The following CNR1 variants were observed in gnomAD, a reference collection of about 807,000 sequenced individuals.
CNR1 encodes cannabinoid receptor 1.
In CNR1, 10 loss-of-function variants were observed where a neutral mutation model predicts 23.0. The observed-to-expected ratio is 0.43, with a 90% CI of 0.27 to 0.74. CNR1 has a LOEUF of 0.74. Ranked by LOEUF, CNR1 falls within the 30% of genes least tolerant of loss-of-function variation. The pLI is 0.19. For synonymous variants in CNR1, 271 were observed against 255.2 expected (o/e 1.06, Z -0.59); for missense variants, 422 against 618.8 (o/e 0.68, Z 3.37).
chr6:88,154,060 T>C (rs1024916918), intron 1 of CNR1, among the ~76,000 whole-genome samples: 5 of 152,250 alleles, frequency 3.3e-5, no homozygotes, highest in African/African-American at 1.2e-4. Flanking sequence ...TTTTCCTACA[T>C]ATGAAAGAAA....
chr6:88,158,414 T>C (rs1222081069), intron 1 of CNR1, among the ~76,000 whole-genome samples: 5 of 152,208 alleles, frequency 3.3e-5, no homozygotes, highest in Non-Finnish European at 7.4e-5. Flanking sequence ...CTGAAAATTA[T>C]AATATACATC....
chr6:88,143,579 G>C lies in CNR1; in HGVS notation c.*277C>G, dbSNP rs1776947852. The C allele has an allele frequency of 3.0e-6, 1 of 333,148 alleles. No individual in the cohort carries two copies. The highest frequency in any genetic ancestry group is 2.1e-5 in the African/African-American group (1 of 46,860). 20.6% of individuals were successfully genotyped at this position (333,148 alleles called of 1,614,324 possible). A position where few individuals can be genotyped will look rare whatever the true frequency, so the allele number is the denominator to read the frequency against. On this transcript the variant is annotated 3_prime_UTR_variant, in exon 2 of 2. Transcript: ENST00000369501. ...TCCATGGGTTCTTAGACTTCCAATT[G>C]TGTAGCCAAAGGTTTCCCTCCTATT...
At chr6:88,167,313 C>T (rs1448425883), upstream of CNR1, among the ~76,000 whole-genome samples, 1 of 152,198 alleles carries the variant, frequency 6.6e-6, no homozygotes, top group African/African-American at 2.4e-5. Context: ...AATTAGGGGA[C>T]ATGCTCGTTA....
In CNR1 at chr6:88,145,279, T is replaced by C; in HGVS notation, c.-5A>G. ...GCCATCTAGGATCGACTTCATAACC[T>C]CAGTCTTTGATTAGGCTGAGCTCAA... is the stretch of plus-strand genomic sequence containing the variant. On this transcript the variant is annotated 5_prime_UTR_variant, in exon 2 of 2. Coordinates refer to ENST00000369501, the MANE Select transcript of CNR1 (RefSeq NM_016083.6). 1 of 1,600,302 alleles carries C rather than the reference T, an allele frequency of 6.2e-7. No individual in the cohort carries two copies. Among genetic ancestry groups the C allele is most frequent in the Non-Finnish European group, 8.5e-7 (1 of 1,171,312 alleles).
intron 1 of CNR1, among the ~76,000 whole-genome samples, chr6:88,151,261 T>C (rs951465176): frequency 1.3e-5 from 2 of 152,240 alleles, no homozygotes; most frequent in Non-Finnish European, 2.9e-5. Flanking sequence ...ATGTGGTTAG[T>C]AGCTACTATA....
At position 88,143,203 on chromosome 6, in the gene CNR1, C is replaced by T. The variant is rs137988157; in HGVS notation, c.*653G>A. 408 of 152,306 alleles carry T rather than the reference C, an allele frequency of 2.7e-3. 1 individual carries two copies. The highest frequency in any genetic ancestry group is 9.4e-3 in the African/African-American group (390 of 41,528). 9.4% of individuals were successfully genotyped at this position (152,306 alleles called of 1,614,324 possible). On this transcript the variant is annotated 3_prime_UTR_variant, in exon 2 of 2. Coordinates refer to ENST00000369501, the MANE Select transcript of CNR1 (RefSeq NM_016083.6). ...TTGTTGAGGTAACAGAAAAATAAAC[C>T]TTTACGGTTATTTCAGTGTCAAAAT...
chr6:88,150,517 A>AG (rs762658481), intron 1 of CNR1, among the ~76,000 whole-genome samples: 5 of 152,226 alleles, frequency 3.3e-5, no homozygotes, highest in Non-Finnish European at 5.9e-5. Context: ...CATTGTGAAC[A>AG]GTTCCATATT....
Position 88,144,504 on chromosome 6 carries a change from G to A in CNR1, c.771C>T (p.Cys257=), listed in dbSNP as rs760873291. Residue 257 remains cysteine, a synonymous_variant, in exon 2 of 2, where the codon TGC becomes TGT. Transcript: ENST00000369501. This position sits in a 1 kb window ranked among gnomAD's most constrained non-coding sequence, Gnocchi z 7.8. ...CTGAGCAAACAGATTGCAGTTTCTC[G>A]CAGTTCCAGCCCAGGAGAGGCAGCA... ...IAVLPLLGWN[C]EKLQSVCSDI... 32 of 1,614,068 alleles carry A rather than the reference G, an allele frequency of 2.0e-5. No homozygotes were observed. Among genetic ancestry groups the A allele is most frequent in the East Asian group, 2.2e-5 (1 of 44,894 alleles).
chr6:88,148,276 C>G (rs1777316428), intron 1 of CNR1, among the ~76,000 whole-genome samples: 1 of 152,162 alleles, frequency 6.6e-6, no homozygotes, highest in South Asian at 2.1e-4. Context: ...CCCAGAATAC[C>G]CAAACAGAGT....
intron 1 of CNR1, among the ~76,000 whole-genome samples, chr6:88,152,479 T>C (rs1364906195): frequency 6.6e-6 from 1 of 152,212 alleles, no homozygotes; most frequent in Middle Eastern, 3.2e-3. Flanking sequence ...ACCGCAAGTG[T>C]GATCACAACT....
rs1776866448 is a variant in CNR1 at position 88,142,282 on chromosome 6, C to G, written c.*1574G>C. The G allele has an allele frequency of 1.3e-5, 2 of 152,350 alleles. No individual in the cohort carries two copies. The highest frequency in any genetic ancestry group is 6.5e-5 in the Admixed American group (1 of 15,280). 9.4% of individuals were successfully genotyped at this position (152,350 alleles called of 1,614,324 possible). On this transcript the variant is annotated 3_prime_UTR_variant, in exon 2 of 2. Coordinates refer to ENST00000369501, the MANE Select transcript of CNR1 (RefSeq NM_016083.6). ...GTGTCTCATCCACTGTCTGATTCAG[C>G]TTTTTTAGCCACATGGGCTGGGTGT...
chr6:88,157,369 C>T (rs1582365687), intron 1 of CNR1, among the ~76,000 whole-genome samples: 1 of 152,208 alleles, frequency 6.6e-6, no homozygotes, highest in South Asian at 2.1e-4. Context: ...ATTTGGTGGA[C>T]ATAGTTCTCG....
At chr6:88,162,229 A>G (rs2127771028) in intron 1 of CNR1, among the ~76,000 whole-genome samples, 1 of 152,328 alleles carries the variant, frequency 6.6e-6, no homozygotes, top group Non-Finnish European at 1.5e-5. Context: ...CCAAATTTGT[A>G]GTATTTATTT....
chr6:88,147,938 T>C (rs1485949883), intron 1 of CNR1: 1 of 152,514 alleles, frequency 6.6e-6, no homozygotes, highest in African/African-American at 2.4e-5. Flanking sequence ...CCTCAGGCTC[T>C]TGTCCTTAAT....
At position 88,164,582 on chromosome 6, in the gene CNR1, G is replaced by A. The variant is rs934949546; in HGVS notation, c.-64+1221C>T. 2.0e-4 allele frequency among the ~76,000 whole-genome samples: 31 copies of A among 152,080 alleles called. 1 individual carries two copies. The highest frequency in any genetic ancestry group is 1.4e-3 in the Admixed American group (21 of 15,272). ...TGAGTTAGAGAGCGGGGGAGGGGGA[G>A]GAGTACCAGGGAAAAAAAGGACAGA... On this transcript the variant is annotated intron_variant, in intron 1 of 1. Transcript: ENST00000369501.
rs1315534561 is a variant in CNR1 at position 88,141,019 on chromosome 6, T to G, written c.*2837A>C. 6.6e-6 allele frequency: 1 copy of G among 152,248 alleles called. No individual in the cohort carries two copies. Among genetic ancestry groups the G allele is most frequent in the Non-Finnish European group, 1.5e-5 (1 of 68,014 alleles). The allele number at this position is 152,248 out of a possible 1,614,324, so 9.4% of individuals were successfully genotyped here. The stretch of plus-strand genomic sequence containing the variant: ...GGGAATTTGGCCCTTTCTGAACATG[T>G]GTGATGGTAAAATGCATGGTCAGGG... On this transcript the variant is annotated 3_prime_UTR_variant, in exon 2 of 2. Coordinates refer to ENST00000369501, the MANE Select transcript of CNR1 (RefSeq NM_016083.6).
In CNR1 at chr6:88,143,504, T is replaced by G; in HGVS notation, c.*352A>C. The G allele has an allele frequency of 4.6e-6, 1 of 219,078 alleles. No homozygotes were observed. The highest frequency in any genetic ancestry group is 9.1e-6 in the Non-Finnish European group (1 of 109,468). 13.6% of individuals were successfully genotyped at this position (219,078 alleles called of 1,614,324 possible). The stretch of plus-strand genomic sequence containing the variant: ...ATACTACGGACAGTTACATTTCACA[T>G]TATAGTGAAAGTTGTGGTTACAAAG... On this transcript the variant is annotated 3_prime_UTR_variant, in exon 2 of 2. Transcript: ENST00000369501.
At chr6:88,164,305 A>G (rs1052146599) in intron 1 of CNR1, 3 of 152,502 alleles carry the variant, frequency 2.0e-5, no homozygotes, top group Non-Finnish European at 4.4e-5. Context: ...CTTTGAAACA[A>G]AAAGAGTCGG....
chr6:88,166,915 G>A (rs1196570561), upstream of CNR1, among the ~76,000 whole-genome samples: 1 of 151,922 alleles, frequency 6.6e-6, no homozygotes, highest in African/African-American at 2.4e-5. Flanking sequence ...TGGGCCCGGG[G>A]CCGGGCTGAG....
Sources: allele counts gnomAD v4.1 joint callset (sites outside exome capture counted in the v4.1 genomes callset), GRCh38; gene constraint gnomAD v4.1.1; non-coding constraint Gnocchi (gnomAD v3.1); transcripts MANE v1.5; gene names NCBI Gene and HGNC (gene_info 2026-07-23, HGNC 2026-07-21).